The following CFAP96 variants were observed in gnomAD, a reference collection of about 807,000 sequenced individuals.
CFAP96 encodes cilia and flagella associated protein 96, also known as cilia-and flagella-associated protein 96.
chr4:185,436,006 T>C, the CFAP96 span: 1 of 1,465,216 alleles, frequency 6.8e-7, no homozygotes, highest in Non-Finnish European at 9.1e-7. Flanking sequence ...TTTGCCATTT[T>C]AACCTCCTTC....
At chr4:185,449,545 G>A in the CFAP96 span, 1 of 1,147,846 alleles carries the variant, frequency 8.7e-7, no homozygotes, top group Non-Finnish European at 1.2e-6. Context: ...GAATGTACAG[G>A]TATTTGACTT....
the CFAP96 span, among the ~76,000 whole-genome samples, chr4:185,449,282 A>G: frequency 6.6e-6 from 1 of 152,178 alleles, no homozygotes; most frequent in African/African-American, 2.4e-5. Flanking sequence ...GCACTTTGGA[A>G]AGCCAAGGTA....
the CFAP96 span, among the ~76,000 whole-genome samples, chr4:185,443,342 A>ATATT: frequency 7.5e-5 from 2 of 26,726 alleles, no homozygotes; most frequent in African/African-American, 2.3e-4. Context: ...ATATATATAT[A>ATATT]TTTTTTTTTT....
At chr4:185,413,761 T>C in the CFAP96 span, 2 of 1,613,356 alleles carry the variant, frequency 1.2e-6, no homozygotes, top group South Asian at 1.1e-5. Flanking sequence ...TTAAGGTAAG[T>C]ATGTGGATTT....
At chr4:185,413,636 A>G in the CFAP96 span, 1 of 1,227,512 alleles carries the variant, frequency 8.1e-7, no homozygotes, top group Non-Finnish European at 1.1e-6. Flanking sequence ...ATGAATACAT[A>G]ATGAATCAAG....
At chr4:185,415,679 A>C in the CFAP96 span, 1 of 1,582,188 alleles carries the variant, frequency 6.3e-7, no homozygotes, top group South Asian at 1.2e-5. Flanking sequence ...CCCTCATTCA[A>C]ATGTGGCAGT....
At chr4:185,408,861 C>A in the CFAP96 span, among the ~76,000 whole-genome samples, 65 of 152,322 alleles carry the variant, frequency 4.3e-4, no homozygotes, top group African/African-American at 1.5e-3. Context: ...ATCCAGTCTA[C>A]AAACGGCCCA....
chr4:185,427,801 A>T, the CFAP96 span, among the ~76,000 whole-genome samples: 29 of 145,546 alleles, frequency 2.0e-4, 1 homozygote, highest in African/African-American at 6.3e-4. Context: ...AAAGGTTCTT[A>T]CCAGCCGGGC....
the CFAP96 span, chr4:185,415,634 C>T: frequency 4.7e-6 from 6 of 1,271,422 alleles, no homozygotes; most frequent in Non-Finnish European, 6.5e-6. Context: ...CTTAGGTATA[C>T]CTACAGGATA....
At chr4:185,448,867 C>CATATATG in the CFAP96 span, among the ~76,000 whole-genome samples, 20,647 of 152,114 alleles carry the variant, frequency 0.14, 1,939 homozygotes, top group African/African-American at 0.27. Flanking sequence ...GCTGTTAGAA[C>CATATATG]TTTGGAACAG....
At chr4:185,422,644 G>C in the CFAP96 span, 1 of 895,200 alleles carries the variant, frequency 1.1e-6, no homozygotes, top group Non-Finnish European at 1.7e-6. Context: ...TCTAAGTTTA[G>C]TGTTAAGACA....
chr4:185,422,720 A>C, the CFAP96 span, among the ~76,000 whole-genome samples: 2 of 152,208 alleles, frequency 1.3e-5, no homozygotes, highest in African/African-American at 4.8e-5. Context: ...AAAAACAAAA[A>C]CAAAAGCAAC....
the CFAP96 span, among the ~76,000 whole-genome samples, chr4:185,411,889 T>A: frequency 1.3e-5 from 2 of 152,196 alleles, no homozygotes; most frequent in Non-Finnish European, 2.9e-5. Flanking sequence ...GATACCATAT[T>A]TATAAAACTC....
the CFAP96 span, among the ~76,000 whole-genome samples, chr4:185,434,209 G>A: frequency 4.6e-5 from 7 of 152,156 alleles, no homozygotes; most frequent in Admixed American, 3.9e-4. Context: ...GGGCAACAGA[G>A]TGAGACCCTG....
chr4:185,446,185 A>G, the CFAP96 span, among the ~76,000 whole-genome samples: 1 of 152,238 alleles, frequency 6.6e-6, no homozygotes, highest in Non-Finnish European at 1.5e-5. Flanking sequence ...TCTTTAGAAC[A>G]ATGTATTTAT....
At chr4:185,418,299 C>G in the CFAP96 span, 1 of 611,574 alleles carries the variant, frequency 1.6e-6, no homozygotes, top group Non-Finnish European at 2.7e-6. Flanking sequence ...AAACATATAA[C>G]TTTTGGCAAG....
the CFAP96 span, among the ~76,000 whole-genome samples, chr4:185,440,018 CAT>C: frequency 4.0e-5 from 5 of 124,758 alleles, no homozygotes; most frequent in African/African-American, 1.2e-4. Flanking sequence ...TAGATAATCT[CAT>C]ATATACATAT....
chr4:185,444,962 A>G, the CFAP96 span: 6 of 1,543,966 alleles, frequency 3.9e-6, no homozygotes, highest in Non-Finnish European at 5.2e-6. Flanking sequence ...TTTTCTTCGC[A>G]GCCTGGTGGA....
At chr4:185,446,377 C>T in the CFAP96 span, among the ~76,000 whole-genome samples, 1 of 152,126 alleles carries the variant, frequency 6.6e-6, no homozygotes, top group African/African-American at 2.4e-5. Context: ...GGTGCTCTAA[C>T]TTAGATGGTG....
Sources: gnomAD v4.1 joint callset for allele counts (sites outside exome capture counted in the v4.1 genomes callset) on GRCh38, gnomAD v4.1.1 for gene constraint, MANE v1.5 for transcripts, NCBI Gene and HGNC (gene_info 2026-07-23, HGNC 2026-07-21) for gene names.